Variants in CDH13 observed in about 807,000 individuals in gnomAD.
CDH13 encodes cadherin 13, also known as cadherin-13.
CDH13 carries 24 observed loss-of-function variants against 63.8 expected under a neutral mutation model. The ratio of observed to expected loss-of-function variants is 0.38; its 90% CI spans 0.27 to 0.53. The LOEUF (loss-of-function observed/expected upper bound fraction) is 0.53. CDH13 is among the 20% of genes least tolerant of loss of function. The pLI is 0.85. For synonymous variants in CDH13, 503 were observed against 355.3 expected (o/e 1.42, Z -4.67); for missense variants, 1,049 against 903.1 (o/e 1.16, Z -2.07).
At chr16:82,761,247 A>G (rs2034843693) in intron 1 of CDH13, among the ~76,000 whole-genome samples, 1 of 151,408 alleles carries the variant, frequency 6.6e-6, no homozygotes, top group African/African-American at 2.4e-5. Flanking sequence ...TGAACTCCTG[A>G]CCTCAGGTGA....
intron 5 of CDH13, among the ~76,000 whole-genome samples, chr16:83,262,779 T>C (rs1907146568): frequency 6.6e-6 from 1 of 152,250 alleles, no homozygotes; most frequent in Non-Finnish European, 1.5e-5. Context: ...AGTGTTTCTT[T>C]GGCAGATGTT....
At chr16:82,922,967 A>G (rs766497559) in intron 2 of CDH13, among the ~76,000 whole-genome samples, 20 of 152,218 alleles carry the variant, frequency 1.3e-4, no homozygotes, top group Non-Finnish European at 2.5e-4. Context: ...TATCCCAGTG[A>G]ATATGAGTCA....
At chr16:83,751,389 G>A (rs1270633750) in intron 11 of CDH13, among the ~76,000 whole-genome samples, 4 of 151,952 alleles carry the variant, frequency 2.6e-5, no homozygotes, top group African/African-American at 9.7e-5. Context: ...GAGGTCAGGA[G>A]TTCAAGACCA....
At chr16:82,981,772 C>T (rs1910295164) in intron 2 of CDH13, among the ~76,000 whole-genome samples, 1 of 152,204 alleles carries the variant, frequency 6.6e-6, no homozygotes, top group Non-Finnish European at 1.5e-5. Context: ...CAACATTGTG[C>T]CTTCCTTTTT....
At chr16:83,347,082 A>G (rs142308658) in intron 6 of CDH13, among the ~76,000 whole-genome samples, 89 of 152,322 alleles carry the variant, frequency 5.8e-4, no homozygotes, top group Non-Finnish European at 1.0e-3. Context: ...ACAAAAAGCC[A>G]CTTAGATTAC....
intron 5 of CDH13, among the ~76,000 whole-genome samples, chr16:83,254,359 G>C (rs1222858395): frequency 6.6e-6 from 1 of 152,214 alleles, no homozygotes; most frequent in Non-Finnish European, 1.5e-5. Context: ...CATGCACAGA[G>C]TGTCTTCAGA....
intron 1 of CDH13, chr16:82,823,403 G>A (rs1002244856): frequency 3.2e-4 from 12 of 37,300 alleles, no homozygotes; most frequent in Admixed American, 2.0e-3. Context: ...TGAAGAGATA[G>A]GGAAAAAAAG....
intron 11 of CDH13, among the ~76,000 whole-genome samples, chr16:83,769,053 T>C (rs1914593003): frequency 6.6e-6 from 1 of 152,168 alleles, no homozygotes; most frequent in South Asian, 2.1e-4. Context: ...GGAGGGAACC[T>C]CAAAGCCATT....
chr16:83,105,724 T>C lies in CDH13; in HGVS notation c.367-19661T>C, dbSNP rs538272501. On this transcript the variant is annotated intron_variant, in intron 3 of 13. Coordinates refer to ENST00000567109, the MANE Select transcript of CDH13 (RefSeq NM_001257.5). ...CCTGGCAGATGAAACCAGAAATTGA[T>C]AGAAACCACCCCCAAATCATCATCT... Among the ~76,000 whole-genome samples the C allele has an allele frequency of 1.2e-4, 19 of 152,210 alleles. No homozygotes were observed. The South Asian group carries it at 3.9e-3, about 32-fold the overall frequency.
intron 5 of CDH13, among the ~76,000 whole-genome samples, chr16:83,306,445 C>A (rs1001291247): frequency 6.6e-6 from 1 of 152,098 alleles, no homozygotes. Context: ...ATTAACTCCC[C>A]TGAAAGGAGG....
intron 6 of CDH13, among the ~76,000 whole-genome samples, chr16:83,371,539 T>G (rs905898673): frequency 3.3e-5 from 5 of 152,338 alleles, no homozygotes; most frequent in Admixed American, 3.3e-4. Context: ...GAGGTGATCT[T>G]TTATAATTTT....
Position 83,584,440 on chromosome 16 carries a change from G to A in CDH13, c.961-18014G>A, listed in dbSNP as rs186095421. Among the ~76,000 whole-genome samples the A allele has an allele frequency of 5.3e-5, 8 of 152,268 alleles. No individual in the cohort carries two copies. In the East Asian group the frequency reaches 1.2e-3, roughly 22 times the overall value. ...GGACACGATGTAATATATGCTACAA[G>A]GGAACTGTGTCAAGAGCTCTGCAGT... On this transcript the variant is annotated intron_variant, in intron 7 of 13. Transcript: ENST00000567109.
chr16:83,087,671 CAAAAAAAAA>C (rs67228844), intron 3 of CDH13, among the ~76,000 whole-genome samples: 68 of 44,002 alleles, frequency 1.5e-3, no homozygotes, highest in African/African-American at 5.2e-3. Flanking sequence ...CCCTCCGTCT[CAAAAAAAAA>C]AAAAAAAAAA....
intron 4 of CDH13, among the ~76,000 whole-genome samples, chr16:83,189,895 G>A (rs1287865142): frequency 1.3e-5 from 2 of 152,190 alleles, no homozygotes; most frequent in Non-Finnish European, 2.9e-5. Flanking sequence ...ATGATAGTGA[G>A]TAAGTCTCAT....
At chr16:83,563,749 A>G (rs1342711082) in intron 7 of CDH13, among the ~76,000 whole-genome samples, 1 of 152,102 alleles carries the variant, frequency 6.6e-6, no homozygotes, top group African/African-American at 2.4e-5. Context: ...AGCAGCATAT[A>G]ACTCTCCCCA....
At chr16:83,027,752 T>G (rs1915951214) in intron 2 of CDH13, among the ~76,000 whole-genome samples, 1 of 152,170 alleles carries the variant, frequency 6.6e-6, no homozygotes, top group Admixed American at 6.5e-5. Flanking sequence ...CCATTCTAAC[T>G]TCCTTCAATT....
At chr16:83,672,283 A>G (rs4299140) in intron 9 of CDH13, among the ~76,000 whole-genome samples, 151,956 of 152,274 alleles carry the variant, frequency 1, 75,819 homozygotes, top group Middle Eastern at 1. Flanking sequence ...TCTGGAGCTT[A>G]AAAAGTCCAA....
At chr16:82,858,294 T>C in intron 1 of CDH13, 68 bp from the exon 2 acceptor site, 1 of 1,032,858 alleles carries the variant, frequency 9.7e-7, no homozygotes, top group Non-Finnish European at 1.5e-6. Context: ...AAGTTGCGGA[T>C]TTGGCGAAAG....
chr16:82,879,088 G>C (rs575644836), intron 2 of CDH13, among the ~76,000 whole-genome samples: 2 of 152,060 alleles, frequency 1.3e-5, no homozygotes, highest in Non-Finnish European at 2.9e-5. Flanking sequence ...ATTCTGGTGG[G>C]ATAAGCAAGC....
Sources: gnomAD v4.1 joint callset for allele counts (sites outside exome capture counted in the v4.1 genomes callset) on GRCh38, gnomAD v4.1.1 for gene constraint, MANE v1.5 for transcripts, NCBI Gene and HGNC (gene_info 2026-07-23, HGNC 2026-07-21) for gene names.